Variants in PMM2 observed in about 807,000 individuals in gnomAD.
PMM2 encodes mannose-6-phosphate isomerase.
PMM2 carries 35 observed loss-of-function variants against 33.2 expected under a neutral mutation model. That is an observed-to-expected ratio of 1.06 (90% confidence interval 0.81 to 1.40). The LOEUF (loss-of-function observed/expected upper bound fraction) is 1.40. Ranked by LOEUF, PMM2 falls within the 40% of genes most tolerant of loss-of-function variation. The pLI, the probability that PMM2 is intolerant of heterozygous loss-of-function variation, is 0.00. For missense variants in PMM2, 386 were observed against 306.0 expected, an observed-to-expected ratio of 1.26 and a Z score of -1.95; for synonymous variants, 153 against 114.7, an observed-to-expected ratio of 1.33 and a Z score of -2.13.
At chr16:8,835,773 T>C (rs1279379966) in intron 7 of PMM2, among the ~76,000 whole-genome samples, 1 of 151,750 alleles carries the variant, frequency 6.6e-6, no homozygotes, top group Non-Finnish European at 1.5e-5. Context: ...GGATGGGACA[T>C]TGAGTGGGGT....
At chr16:8,805,929 A>G (rs1424185226) in intron 3 of PMM2, among the ~76,000 whole-genome samples, 1 of 152,182 alleles carries the variant, frequency 6.6e-6, no homozygotes, top group Non-Finnish European at 1.5e-5. Flanking sequence ...AGCTCTTAGT[A>G]GTAGTAAGAT....
rs3833068 is a variant in PMM2, at chr16:8,847,439, G to GA, written c.640-280dup. ...GTCACTCGCTGATGCCTTCTGTGTA[G>GA]AAAAATAAGCCTTAGACAGATCTTC... On this transcript the variant is annotated intron_variant, in intron 7 of 7. Coordinates refer to ENST00000268261, the MANE Select transcript of PMM2 (RefSeq NM_000303.3). 0.14 allele frequency among the ~76,000 whole-genome samples: 21,878 copies of GA among 151,466 alleles called. 1,668 individuals carry two copies. The highest frequency in any genetic ancestry group is 0.23 in the East Asian group (1,202 of 5,138).
At chr16:8,842,022 A>C (rs1038595133) in intron 7 of PMM2, among the ~76,000 whole-genome samples, 5 of 150,986 alleles carry the variant, frequency 3.3e-5, no homozygotes, top group Admixed American at 6.6e-5. Flanking sequence ...GCACGCAGAC[A>C]TGAGGGCTAG....
intron 7 of PMM2, chr16:8,832,047 T>C: frequency 5.5e-6 from 4 of 728,798 alleles, no homozygotes; most frequent in Non-Finnish European, 6.7e-6. Flanking sequence ...TTTCCGGTTC[T>C]CTAGCCTTAT....
intron 7 of PMM2, among the ~76,000 whole-genome samples, chr16:8,840,559 A>C (rs9796776): frequency 1.3e-5 from 2 of 151,898 alleles, no homozygotes; most frequent in Non-Finnish European, 2.9e-5. Flanking sequence ...AAGGACGAAA[A>C]ACCTAATAGA....
In PMM2 at chr16:8,811,644, A is replaced by T. The variant is rs1462306796; in HGVS notation, c.454A>T (p.Asn152Tyr). The change falls in exon 6 of 8, where the codon AAT (asparagine) becomes TAT (tyrosine). Residue 152 changes from asparagine to tyrosine, a missense_variant. By Grantham distance (143) the Asn-to-Tyr change is moderately radical. Transcript: ENST00000268261. The part of the protein sequence containing the change: ...IEFYELDKKE[N>Y]IRQKFVADLR... Reference sequence around the variant, plus strand: ...ATCTTTTTGTTTTTCTCAGAAAGAAAATATAAGACAAAAGTTTGTAGCAGA... The same window carrying T: ...ATCTTTTTGTTTTTCTCAGAAAGAATATATAAGACAAAAGTTTGTAGCAGA... The T allele has an allele frequency of 6.2e-7, 1 of 1,610,382 alleles. No individual in the cohort carries two copies. The highest frequency in any genetic ancestry group is 1.1e-5 in the South Asian group (1 of 91,004).
chr16:8,804,763 G>A lies in PMM2; in HGVS notation c.179-4G>A. On this transcript the variant is annotated splice_polypyrimidine_tract_variant and splice_region_variant and intron_variant, in intron 2 of 7. Transcript: ENST00000268261. ...TCTAAGTGTTTTTTTGGTTTTGATTGTAGTGGTTGAAAAATACGATTATGT... is the reference window on the plus strand; with the variant it reads ...TCTAAGTGTTTTTTTGGTTTTGATTATAGTGGTTGAAAAATACGATTATGT... 11 of 1,608,480 alleles carry A rather than the reference G, an allele frequency of 6.8e-6. No individual in the cohort carries two copies. Among genetic ancestry groups the A allele is most frequent in the Non-Finnish European group, 8.5e-6 (10 of 1,174,918 alleles).
chr16:8,835,015 A>G (rs1233122422), intron 7 of PMM2, among the ~76,000 whole-genome samples: 1 of 151,794 alleles, frequency 6.6e-6, no homozygotes, highest in Non-Finnish European at 1.5e-5. Flanking sequence ...GGTATGAGGA[A>G]GAAAGTAGAT....
intron 7 of PMM2, among the ~76,000 whole-genome samples, chr16:8,838,131 T>TA (rs1441790329): frequency 2.0e-5 from 3 of 151,986 alleles, no homozygotes; most frequent in Non-Finnish European, 4.4e-5. Flanking sequence ...GCGGTGAAGT[T>TA]AAGAGCAATG....
intron 7 of PMM2, among the ~76,000 whole-genome samples, chr16:8,834,023 T>G (rs2060827891): frequency 6.6e-6 from 1 of 151,736 alleles, no homozygotes; most frequent in African/African-American, 2.4e-5. Context: ...CAGGAGATAG[T>G]AGGGATGACA....
intron 7 of PMM2, among the ~76,000 whole-genome samples, chr16:8,839,877 A>G (rs58774085): frequency 0.93 from 128,419 of 138,552 alleles, 59,832 homozygotes; most frequent in East Asian, 0.97. Flanking sequence ...GGGGGGAGAA[A>G]GGAGAAAGGA....
intron 7 of PMM2, among the ~76,000 whole-genome samples, chr16:8,845,609 C>T (rs149451311): frequency 1.8e-4 from 27 of 151,618 alleles, no homozygotes; most frequent in Non-Finnish European, 2.9e-4. Flanking sequence ...TTTTGAGTCT[C>T]GCTCTGTTGC....
In PMM2 at chr16:8,805,533, A is replaced by C. The variant is rs531096079; in HGVS notation, c.255+690A>C. On this transcript the variant is annotated intron_variant, in intron 3 of 7. Coordinates refer to ENST00000268261, the MANE Select transcript of PMM2 (RefSeq NM_000303.3). ...TGCCACCAAGCCTGGCTTTAAATCT[A>C]TTAATAACATTTCTATGATGATAAA... 7.8e-4 allele frequency among the ~76,000 whole-genome samples: 118 copies of C among 152,036 alleles called. No individual in the cohort carries two copies. In the South Asian group the frequency reaches 0.024, roughly 31 times the overall value.
chr16:8,834,201 T>G (rs193270420), intron 7 of PMM2, among the ~76,000 whole-genome samples: 33 of 152,350 alleles, frequency 2.2e-4, no homozygotes, highest in Non-Finnish European at 2.4e-4. Flanking sequence ...CAGTCCTTTT[T>G]AAGTTGGAGG....
chr16:8,847,005 A>C (rs1596509160), intron 7 of PMM2, among the ~76,000 whole-genome samples: 1 of 152,250 alleles, frequency 6.6e-6, no homozygotes, highest in East Asian at 1.9e-4. Flanking sequence ...CTGGGATTTC[A>C]GACGTGCGCC....
chr16:8,823,139 T>C (rs1421842982), intron 7 of PMM2, among the ~76,000 whole-genome samples: 1 of 152,178 alleles, frequency 6.6e-6, no homozygotes, highest in Admixed American at 6.5e-5. Context: ...GTTTCCATTA[T>C]CAAGAGATGG....
At chr16:8,846,761 C>T (rs904620159) in intron 7 of PMM2, among the ~76,000 whole-genome samples, 1 of 152,200 alleles carries the variant, frequency 6.6e-6, no homozygotes, top group Non-Finnish European at 1.5e-5. Flanking sequence ...GGGGAGTTGG[C>T]GCAGCCACAC....
intron 7 of PMM2, among the ~76,000 whole-genome samples, chr16:8,824,233 GT>G (rs921886277): frequency 2.6e-5 from 4 of 152,216 alleles, no homozygotes; most frequent in South Asian, 2.1e-4. Context: ...GATCCTAGAA[GT>G]TTTTTTTCCT....
intron 1 of PMM2, among the ~76,000 whole-genome samples, chr16:8,798,830 C>G (rs186712904): frequency 6.6e-6 from 1 of 152,176 alleles, no homozygotes; most frequent in Non-Finnish European, 1.5e-5. Context: ...AGCTTCTACC[C>G]TCACCCCTCA....
Sources: gnomAD v4.1 joint callset for allele counts (sites outside exome capture counted in the v4.1 genomes callset) on GRCh38, gnomAD v4.1.1 for gene constraint, MANE v1.5 for transcripts, NCBI Gene and HGNC (gene_info 2026-07-23, HGNC 2026-07-21) for gene names.